Variants in CBR4 observed in about 807,000 individuals in gnomAD.
CBR4 encodes 3-oxoacyl-[acyl-carrier-protein] reductase.
In CBR4, 22 loss-of-function variants were observed where a neutral mutation model predicts 21.0. The observed-to-expected ratio is 1.05, with a 90% CI of 0.75 to 1.50. CBR4 has a LOEUF of 1.50. Ranked by LOEUF, CBR4 falls within the 40% of genes most tolerant of loss-of-function variation. CBR4 has a pLI of 0.00. For synonymous variants in CBR4, 100 were observed against 104.4 expected, an observed-to-expected ratio of 0.96 and a Z score of 0.26; for missense variants, 302 against 286.3, an observed-to-expected ratio of 1.05 and a Z score of -0.40.
At chr4:168,947,276 A>G (rs1453871386) in intron 2 of CBR4, among the ~76,000 whole-genome samples, 2 of 152,086 alleles carry the variant, frequency 1.3e-5, no homozygotes, top group African/African-American at 4.8e-5. Flanking sequence ...TTTTTCTTAC[A>G]ATTTATCTAT....
intron 2 of CBR4, among the ~76,000 whole-genome samples, chr4:168,907,208 G>A (rs1383788582): frequency 6.6e-6 from 1 of 152,088 alleles, no homozygotes; most frequent in Non-Finnish European, 1.5e-5. Flanking sequence ...TTCAATAAAT[G>A]CTAGTTACTG....
At chr4:168,956,576 C>T (rs1047234773) in intron 2 of CBR4, among the ~76,000 whole-genome samples, 4 of 114,242 alleles carry the variant, frequency 3.5e-5, no homozygotes, top group African/African-American at 1.0e-4. Flanking sequence ...CCAGCCTGGG[C>T]GACACAGCCA....
intron 2 of CBR4, among the ~76,000 whole-genome samples, chr4:168,896,207 T>TC (rs1755124008): frequency 3.2e-5 from 2 of 63,280 alleles, no homozygotes; most frequent in Admixed American, 3.5e-4. Flanking sequence ...AGACTCCATC[T>TC]CAAAAAAAAA....
chr4:168,921,635 C>G, intron 2 of CBR4: 1 of 1,611,374 alleles, frequency 6.2e-7, no homozygotes, highest in Non-Finnish European at 8.5e-7. Context: ...ACGGGGTGCA[C>G]TCTCTGATCA....
chr4:168,941,888 C>T (rs1389871078), intron 2 of CBR4, among the ~76,000 whole-genome samples: 1 of 152,058 alleles, frequency 6.6e-6, no homozygotes, highest in Non-Finnish European at 1.5e-5. Flanking sequence ...TGTTCATATC[C>T]TTCAAAGGAT....
chr4:168,928,336 AG>A (rs796095326), intron 2 of CBR4: 5 of 173,060 alleles, frequency 2.9e-5, no homozygotes, highest in African/African-American at 1.3e-4. Context: ...TAAAAAAAAA[AG>A]TACTATCAAT....
intron 2 of CBR4, among the ~76,000 whole-genome samples, chr4:168,912,334 T>G (rs180794991): frequency 1.3e-4 from 20 of 152,344 alleles, no homozygotes; most frequent in African/African-American, 4.8e-4. Context: ...TACATCTGCT[T>G]CTTGTTTTTC....
At chr4:168,984,869 T>C (rs188754002), downstream of CBR4, among the ~76,000 whole-genome samples, 3 of 152,090 alleles carry the variant, frequency 2.0e-5, no homozygotes, top group East Asian at 3.9e-4. Context: ...ATGCAGAAAA[T>C]TGAAACTGAA....
At chr4:168,949,698 A>G (rs1335216950) in intron 2 of CBR4, among the ~76,000 whole-genome samples, 1 of 152,024 alleles carries the variant, frequency 6.6e-6, no homozygotes, top group Non-Finnish European at 1.5e-5. Flanking sequence ...ATTGGTACCA[A>G]TTCTTCTTTG....
At chr4:168,983,626 G>GT (rs1049886544), downstream of CBR4, among the ~76,000 whole-genome samples, 5 of 151,774 alleles carry the variant, frequency 3.3e-5, no homozygotes, top group Non-Finnish European at 7.4e-5. Context: ...CTTTAGGCCA[G>GT]TATCTCTGAT....
Position 168,990,330 on chromosome 4 carries a change from TAA to T in CBR4, c.536-4_536-3del, listed in dbSNP as rs1437689862. 1 of 1,588,166 alleles carries T rather than the reference TAA, an allele frequency of 6.3e-7. No individual in the cohort carries two copies. Among genetic ancestry groups the T allele is most frequent in the Non-Finnish European group, 8.6e-7 (1 of 1,166,440 alleles). On this transcript the variant is annotated splice_polypyrimidine_tract_variant and splice_region_variant and intron_variant, in intron 4 of 4. Coordinates refer to ENST00000306193, the MANE Select transcript of CBR4 (RefSeq NM_032783.5). ...TCGTCATATCTGTGTGTACAAATCCTAAAAGAGAAATGTTTGTTTAGTTGAAA... is the reference window on the plus strand; with the variant it reads ...TCGTCATATCTGTGTGTACAAATCCTAAGAGAAATGTTTGTTTAGTTGAAA...
At position 168,988,854 on chromosome 4, in the gene CBR4, T is replaced by C. The variant is rs868580917; in HGVS notation, c.*1296A>G. The C allele has an allele frequency of 1.5e-5, 14 of 957,910 alleles. No homozygotes were observed. In the Admixed American group the frequency reaches 2.5e-4, roughly 17 times the overall value. 59.3% of individuals were successfully genotyped at this position (957,910 alleles called of 1,614,324 possible). ...TTATTACTTTGTATTTATTAGTATA[T>C]CCTATTCATAATTTTGCACTGACTT... On this transcript the variant is annotated 3_prime_UTR_variant, in exon 5 of 5. Transcript: ENST00000306193.
chr4:168,927,382 GTGTGGAGCACACATGC>G (rs377756289), intron 2 of CBR4: 2,337 of 232,860 alleles, frequency 0.01, 52 homozygotes, highest in African/African-American at 0.041. Flanking sequence ...CCAGCTGGAA[GTGTGGAGCACACATGC>G]TGTGGAGCAC....
rs1209353195 is a variant in CBR4 at position 168,919,522 on chromosome 4, TA to T, written n.170-24758del. Among the ~76,000 whole-genome samples, 365 of 124,304 alleles carry T rather than the reference TA, an allele frequency of 2.9e-3. 1 individual carries two copies. The highest frequency in any genetic ancestry group is 2.7e-3 in the Non-Finnish European group (156 of 57,894). The allele number at this position is 124,304 out of a possible 152,430, so 81.5% of individuals were successfully genotyped here. ...GCCTGGGCAAGGAGCAAGACTGTCT[TA>T]AAAAAAAAAAAAAAGTGAAAAACCT... On this transcript the variant is annotated intron_variant and non_coding_transcript_variant, in intron 2 of 3. Coordinates refer to the CBR4 transcript ENST00000509108.
intron 2 of CBR4, among the ~76,000 whole-genome samples, chr4:168,980,135 C>T (rs1327287460): frequency 6.6e-6 from 1 of 152,040 alleles, no homozygotes; most frequent in Non-Finnish European, 1.5e-5. Flanking sequence ...CTCTGCTACC[C>T]CCAAGACGGA....
In CBR4 at chr4:169,009,768, G is replaced by A. The variant is rs111363367; in HGVS notation, c.142+180C>T. Among the ~76,000 whole-genome samples the A allele has an allele frequency of 7.2e-5, 11 of 152,386 alleles. 2 individuals are homozygous for A. The highest frequency in any genetic ancestry group is 2.6e-4 in the African/African-American group (11 of 41,592). On this transcript the variant is annotated intron_variant, in intron 1 of 4. Transcript: ENST00000306193. ...GTGGCCGGCATTCTGCGAGGCATAG[G>A]GAGATCGCGGGTTTCTGCACGAGAC...
At chr4:168,894,793 A>G in intron 2 of CBR4, 7 of 1,518,706 alleles carry the variant, frequency 4.6e-6, no homozygotes, top group South Asian at 1.2e-5. Context: ...CAAGTCACAG[A>G]AAAGCAGTAT....
intron 2 of CBR4, among the ~76,000 whole-genome samples, chr4:168,947,450 T>C (rs1007398024): frequency 6.6e-6 from 1 of 152,088 alleles, no homozygotes; most frequent in Admixed American, 6.6e-5. Flanking sequence ...AGTAAGTTCT[T>C]TAGTGGTGAT....
chr4:168,969,048 C>CA (rs1449948237), intron 2 of CBR4, among the ~76,000 whole-genome samples: 2 of 152,234 alleles, frequency 1.3e-5, no homozygotes, highest in Admixed American at 1.3e-4. Flanking sequence ...CACATGCTCC[C>CA]ATTAACATCA....
Sources: allele counts gnomAD v4.1 joint callset (sites outside exome capture counted in the v4.1 genomes callset), GRCh38; gene constraint gnomAD v4.1.1; transcripts MANE v1.5; gene names NCBI Gene and HGNC (gene_info 2026-07-23, HGNC 2026-07-21).